Variants in LCMT1 observed in about 807,000 individuals in gnomAD.
LCMT1 encodes [Phosphatase 2A protein]-leucine-carboxy methyltransferase 1.
A neutral mutation model predicts 47.7 loss-of-function variants in LCMT1; 32 were observed. The observed-to-expected ratio is 0.67, with a 90% CI of 0.51 to 0.90. The LOEUF (loss-of-function observed/expected upper bound fraction) is 0.90. LCMT1 is among the 40% of genes least tolerant of loss of function. LCMT1 has a pLI of 0.00. For synonymous variants in LCMT1, 152 were observed against 149.7 expected, an observed-to-expected ratio of 1.02 and a Z score of -0.11; for missense variants, 375 against 415.2, an observed-to-expected ratio of 0.90 and a Z score of 0.84.
intron 1 of LCMT1, among the ~76,000 whole-genome samples, chr16:25,114,650 AC>A (rs1195707375): frequency 6.6e-6 from 1 of 152,100 alleles, no homozygotes; most frequent in Non-Finnish European, 1.5e-5. Flanking sequence ...CTGATAATCA[AC>A]ATCAGCTTCT....
At chr16:25,130,665 A>AG (rs1960324082) in intron 2 of LCMT1, among the ~76,000 whole-genome samples, 1 of 152,202 alleles carries the variant, frequency 6.6e-6, no homozygotes, top group Non-Finnish European at 1.5e-5. Flanking sequence ...AATCTTCAGT[A>AG]GATTTATTTT....
At chr16:25,160,489 G>A (rs277898) in intron 5 of LCMT1, among the ~76,000 whole-genome samples, 47,024 of 152,056 alleles carry the variant, frequency 0.31, 8,659 homozygotes, top group East Asian at 0.5. Flanking sequence ...ACAAATTGGC[G>A]TAACATTTAG....
intron 2 of LCMT1, among the ~76,000 whole-genome samples, chr16:25,131,500 A>G (rs917894036): frequency 4.6e-5 from 7 of 152,244 alleles, no homozygotes; most frequent in Admixed American, 1.3e-4. Flanking sequence ...ATGACATACA[A>G]TGTACAATTC....
intron 1 of LCMT1, among the ~76,000 whole-genome samples, chr16:25,120,297 C>G (rs1263803022): frequency 6.6e-6 from 1 of 151,500 alleles, no homozygotes; most frequent in Non-Finnish European, 1.5e-5. Context: ...GATCTCGGGT[C>G]ACTGCAACCT....
chr16:25,151,408 T>G, intron 4 of LCMT1, 146 bp from the exon 5 acceptor site: 1 of 657,886 alleles, frequency 1.5e-6, no homozygotes, highest in Non-Finnish European at 2.6e-6. Flanking sequence ...CTGAAGCCCT[T>G]TTTAGAGGGG....
At chr16:25,151,639 T>G in intron 5 of LCMT1, 24 bp downstream of exon 5, 2 of 1,599,264 alleles carry the variant, frequency 1.3e-6, no homozygotes, top group Non-Finnish European at 1.7e-6. Flanking sequence ...TAATGCAAAA[T>G]GGACTGTATC....
At chr16:25,155,195 G>GT (rs200320985) in intron 5 of LCMT1, among the ~76,000 whole-genome samples, 11 of 149,800 alleles carry the variant, frequency 7.3e-5, no homozygotes, top group East Asian at 3.9e-4. Flanking sequence ...AATTGATGAT[G>GT]TTTTTTTTTA....
chr16:25,156,635 G>A (rs574800420), intron 5 of LCMT1, among the ~76,000 whole-genome samples: 3 of 152,290 alleles, frequency 2.0e-5, no homozygotes, highest in Admixed American at 6.5e-5. Context: ...CAGGAGGTGC[G>A]TGCTTCAAGA....
At chr16:25,138,834 A>G (rs1960582887) in intron 3 of LCMT1, among the ~76,000 whole-genome samples, 1 of 152,052 alleles carries the variant, frequency 6.6e-6, no homozygotes, top group Non-Finnish European at 1.5e-5. Flanking sequence ...CCGTGTGATA[A>G]TTTTACTAAG....
intron 7 of LCMT1, among the ~76,000 whole-genome samples, chr16:25,165,879 G>T (rs1219192141): frequency 6.6e-6 from 1 of 152,164 alleles, no homozygotes; most frequent in Non-Finnish European, 1.5e-5. Flanking sequence ...ATTGTTGTGA[G>T]ATATAAATGA....
chr16:25,132,335 G>T, intron 2 of LCMT1, 67 bp from the exon 3 acceptor site: 1 of 1,588,160 alleles, frequency 6.3e-7, no homozygotes, highest in Non-Finnish European at 8.6e-7. Flanking sequence ...CCTGGGGTGG[G>T]CTTCACAGGG....
At chr16:25,132,341 C>T (rs758535431) in intron 2 of LCMT1, 61 bp from the exon 3 acceptor site, 53 of 1,598,698 alleles carry the variant, frequency 3.3e-5, no homozygotes, top group Non-Finnish European at 4.4e-5. Context: ...GTGGGCTTCA[C>T]AGGGATAATT....
rs2141724623 is a variant in LCMT1, at chr16:25,176,773, G to T, written c.983-1228G>T. Among the ~76,000 whole-genome samples the T allele has an allele frequency of 1.3e-5, 2 of 150,344 alleles. 1 individual carries two copies. The highest frequency in any genetic ancestry group is 4.2e-4 in the South Asian group (2 of 4,750). ...GATGGGGTTTCACCATGTTGGCCAG[G>T]CTGGTCTCGAACTCCTGACCTTAAG... On this transcript the variant is annotated intron_variant, in intron 10 of 10. Transcript: ENST00000399069.
chr16:25,142,922 G>A lies in LCMT1; in HGVS notation c.404+2675G>A, dbSNP rs1960737646. 4 of 152,210 alleles carry A rather than the reference G, an allele frequency of 2.6e-5. No homozygotes were observed. The South Asian group carries it at 6.2e-4, about 24-fold the overall frequency. The allele number at this position is 152,210 out of a possible 1,614,324, so 9.4% of individuals were successfully genotyped here. ...GAAAGCATTTCTGATCGGGAGAGGTGTACCCAGCTAGTGATTCCTTGTGAG... is the reference window on the plus strand; with the variant it reads ...GAAAGCATTTCTGATCGGGAGAGGTATACCCAGCTAGTGATTCCTTGTGAG... On this transcript the variant is annotated intron_variant, in intron 4 of 10. Coordinates refer to ENST00000399069, the MANE Select transcript of LCMT1 (RefSeq NM_016309.3).
chr16:25,132,241 T>G, intron 2 of LCMT1, 161 bp from the exon 3 acceptor site: 1 of 829,434 alleles, frequency 1.2e-6, no homozygotes, highest in South Asian at 2.0e-5. Flanking sequence ...AAAAAAAAAT[T>G]TGAAAGTTGC....
At chr16:25,167,209 A>G (rs111805877) in intron 7 of LCMT1, among the ~76,000 whole-genome samples, 34 of 152,256 alleles carry the variant, frequency 2.2e-4, no homozygotes, top group African/African-American at 7.9e-4. Flanking sequence ...TGAATAATGA[A>G]CATTTAAGTT....
Position 25,119,205 on chromosome 16 carries a change from A to G in LCMT1, c.113+7209A>G, listed in dbSNP as rs1045790702. 3.9e-5 allele frequency among the ~76,000 whole-genome samples: 6 copies of G among 152,208 alleles called. No individual in the cohort carries two copies. The East Asian group carries it at 1.2e-3, about 29-fold the overall frequency. ...GTGGGGCAAGACTGAGGGGCCCAAGATGACTCCAAGGTTTTTGGCTTAGCT... is the reference window on the plus strand; with the variant it reads ...GTGGGGCAAGACTGAGGGGCCCAAGGTGACTCCAAGGTTTTTGGCTTAGCT... On this transcript the variant is annotated intron_variant, in intron 1 of 10. Coordinates refer to ENST00000399069, the MANE Select transcript of LCMT1 (RefSeq NM_016309.3).
At chr16:25,133,446 T>C (rs1960413996) in intron 3 of LCMT1, among the ~76,000 whole-genome samples, 1 of 124,234 alleles carries the variant, frequency 8.0e-6, no homozygotes, top group Non-Finnish European at 1.6e-5. Context: ...TTGCCCAGGC[T>C]GGAGTACAAT....
chr16:25,121,978 T>C (rs916436710), intron 1 of LCMT1, among the ~76,000 whole-genome samples: 13 of 152,230 alleles, frequency 8.5e-5, no homozygotes, highest in African/African-American at 3.1e-4. Flanking sequence ...TCTTCTGTTG[T>C]TCATCATTTA....
Sources: gnomAD v4.1 joint callset for allele counts (sites outside exome capture counted in the v4.1 genomes callset) on GRCh38, gnomAD v4.1.1 for gene constraint, MANE v1.5 for transcripts, NCBI Gene and HGNC (gene_info 2026-07-23, HGNC 2026-07-21) for gene names.